MPDZ: variants seen among roughly 807,000 people sequenced by gnomAD.
MPDZ encodes the protein multiple PDZ domain protein.
Under a neutral mutation model 239.1 loss-of-function variants are expected in MPDZ, and 234 were observed. The observed-to-expected ratio is 0.98, with a 90% confidence interval of 0.88 to 1.09. MPDZ has a LOEUF of 1.09. MPDZ is among the 50% of genes least tolerant of loss of function. The probability of loss-of-function intolerance (pLI) is 0.00; values close to 1 mark genes in which losing one functional copy is unlikely to be tolerated. For synonymous variants in MPDZ, 1,048 were observed against 881.3 expected (o/e 1.19, Z -3.35); for missense variants, 3,175 against 2,510.0 (o/e 1.26, Z -5.66).
Position 13,223,601 on chromosome 9 carries a change from T to C in MPDZ, c.503A>G (p.Gln168Arg), listed in dbSNP as rs750707388. The C allele has an allele frequency of 4.7e-5, 75 of 1,612,258 alleles. No individual in the cohort carries two copies. Among genetic ancestry groups the C allele is most frequent in the Non-Finnish European group, 6.4e-5 (75 of 1,178,926 alleles). The change falls in exon 5 of 47, where the codon CAA (glutamine) becomes CGA (arginine). Residue 168 changes from glutamine (Q) to arginine (R), a missense_variant. Physicochemically the swap from Gln to Arg is conservative, Grantham distance 43 (BLOSUM62 1). Transcript: ENST00000319217. ...ENRGELGIFV[Q>R]EIQEGSVAHR... ...GGCCACACTGCCCTCTTGTATCTCT[T>C]GAACAAATATTCCCAGCTCTCCTCT...
Position 13,113,055 on chromosome 9 carries a change from C to A in MPDZ, c.5558-1G>T. The stretch of plus-strand genomic sequence containing the variant: ...CTTAATCCCTGTATTTCAGATGCCA[C>A]TGTAAAGGCAAAAAAGATAAAATAG... On this transcript the variant is annotated splice_acceptor_variant, in intron 41 of 46. Coordinates refer to ENST00000319217, the MANE Select transcript of MPDZ (RefSeq NM_001378778.1). LOFTEE classifies it high-confidence loss of function. 1 of 1,573,676 alleles carries A rather than the reference C, an allele frequency of 6.4e-7. No homozygotes were observed. Among genetic ancestry groups the A allele is most frequent in the Non-Finnish European group, 8.6e-7 (1 of 1,158,024 alleles).
Position 13,140,165 on chromosome 9 carries a change from G to A in MPDZ, c.3841-16C>T. The A allele has an allele frequency of 6.2e-7, 1 of 1,611,932 alleles. No individual in the cohort carries two copies. On this transcript the variant is annotated splice_polypyrimidine_tract_variant and intron_variant, in intron 27 of 46. Transcript: ENST00000319217. The stretch of plus-strand genomic sequence containing the variant: ...GACTGGGTGCCTGTGGGAACAAAAA[G>A]AATGCAGTGGGTTTGTACAGTCTAA...
At chr9:13,180,783 C>T (rs575790646) in intron 19 of MPDZ, among the ~76,000 whole-genome samples, 303 of 152,168 alleles carry the variant, frequency 2.0e-3, no homozygotes, top group Middle Eastern at 3.4e-3. Flanking sequence ...GCCATAGAGG[C>T]GGGTATATTT....
rs149999759 is a variant in MPDZ at position 13,252,846 on chromosome 9, T to C, written c.-57-2474A>G. On this transcript the variant is annotated intron_variant, in intron 1 of 46. Coordinates refer to ENST00000319217, the MANE Select transcript of MPDZ (RefSeq NM_001378778.1). The stretch of plus-strand genomic sequence containing the variant: ...CACCCAGGAGGAAGCATGATAGCAA[T>C]AAAAAAAAGCATGGACTAGAGAGTC... Among the ~76,000 whole-genome samples the C allele has an allele frequency of 1.7e-3, 252 of 151,732 alleles. 1 individual carries two copies. The highest frequency in any genetic ancestry group is 5.8e-3 in the African/African-American group (240 of 41,384).
chr9:13,257,496 T>G (rs1005065812), intron 1 of MPDZ, among the ~76,000 whole-genome samples: 1 of 152,276 alleles, frequency 6.6e-6, no homozygotes, highest in South Asian at 2.1e-4. Context: ...TGAAAATATA[T>G]TGTCAAATTT....
intron 15 of MPDZ, 128 bp from the exon 16 acceptor site, chr9:13,190,427 G>A (rs1954748521): frequency 3.9e-6 from 3 of 768,980 alleles, no homozygotes; most frequent in East Asian, 3.1e-5. Context: ...AGTAGCAACA[G>A]CTTTTCATGA....
chr9:13,119,751 T>G, intron 38 of MPDZ, 102 bp from the exon 39 acceptor site: 1 of 1,407,196 alleles, frequency 7.1e-7, no homozygotes, highest in Non-Finnish European at 9.9e-7. Context: ...TACTTGTTTT[T>G]ATGACTTTAA....
At position 13,147,678 on chromosome 9, in the gene MPDZ, C is replaced by T; in HGVS notation, c.3631-20G>A. The T allele has an allele frequency of 1.3e-6, 2 of 1,574,838 alleles. No homozygotes were observed. Among genetic ancestry groups the T allele is most frequent in the Non-Finnish European group, 1.7e-6 (2 of 1,146,058 alleles). ...ATCCACCTGCAATGGAAGGCCTCAG[C>T]TTAACATTTCAAGAATCTATAGAAC... On this transcript the variant is annotated intron_variant, in intron 25 of 46. Coordinates refer to ENST00000319217, the MANE Select transcript of MPDZ (RefSeq NM_001378778.1).
At chr9:13,246,109 C>T (rs949255831) in intron 3 of MPDZ, among the ~76,000 whole-genome samples, 1 of 152,132 alleles carries the variant, frequency 6.6e-6, no homozygotes, top group Non-Finnish European at 1.5e-5. Context: ...ATTTGGGATA[C>T]TGGTTTCTCC....
intron 10 of MPDZ, among the ~76,000 whole-genome samples, chr9:13,206,733 G>A (rs1038989981): frequency 2.0e-5 from 3 of 151,954 alleles, no homozygotes; most frequent in South Asian, 4.2e-4. Flanking sequence ...TAGTAAAGAC[G>A]GGGTTTGACC....
intron 22 of MPDZ, among the ~76,000 whole-genome samples, chr9:13,166,076 A>G (rs1408821282): frequency 1.3e-5 from 2 of 152,146 alleles, no homozygotes; most frequent in African/African-American, 4.8e-5. Context: ...AAGTTCCTAC[A>G]ATACACCCCT....
At chr9:13,265,601 A>G (rs1971619932) in intron 1 of MPDZ, among the ~76,000 whole-genome samples, 1 of 152,162 alleles carries the variant, frequency 6.6e-6, no homozygotes, top group Non-Finnish European at 1.5e-5. Flanking sequence ...AGCATTTGGT[A>G]CTCAAAAGCA....
chr9:13,240,780 C>T (rs985934862), intron 3 of MPDZ, among the ~76,000 whole-genome samples: 3 of 151,818 alleles, frequency 2.0e-5, no homozygotes, highest in African/African-American at 7.2e-5. Context: ...AAGTCTATAG[C>T]ACATAAGGGC....
chr9:13,197,329 G>A (rs1373670880), intron 12 of MPDZ, among the ~76,000 whole-genome samples: 1 of 151,986 alleles, frequency 6.6e-6, no homozygotes, highest in African/African-American at 2.4e-5. Flanking sequence ...ATTAGATGGG[G>A]GGTCTTGCTC....
chr9:13,170,014 T>C (rs1951584298), intron 21 of MPDZ, among the ~76,000 whole-genome samples: 1 of 152,104 alleles, frequency 6.6e-6, no homozygotes. Context: ...CGTTGAAAAA[T>C]ATAAAATCTT....
chr9:13,187,238 C>T (rs573006324), intron 17 of MPDZ, among the ~76,000 whole-genome samples: 3 of 151,846 alleles, frequency 2.0e-5, no homozygotes, highest in South Asian at 2.1e-4. Flanking sequence ...TGCTGCAAGG[C>T]ATACTGAATT....
intron 25 of MPDZ, 109 bp from the exon 26 acceptor site, chr9:13,147,767 T>A: frequency 1.4e-6 from 1 of 732,510 alleles, no homozygotes; most frequent in South Asian, 1.8e-5. Context: ...AAAATCTGTT[T>A]TAATATCAAA....
Position 13,109,075 on chromosome 9 carries a change from G to C in MPDZ, c.5943-16C>G, listed in dbSNP as rs2131002867. On this transcript the variant is annotated splice_polypyrimidine_tract_variant and intron_variant, in intron 45 of 46. Coordinates refer to ENST00000319217, the MANE Select transcript of MPDZ (RefSeq NM_001378778.1). ...TTGAGGAGGTCTACGGTGAAGGAAA[G>C]GAAAAAGAGGTTTTAAATTAAAAAA... The C allele has an allele frequency of 7.4e-7, 1 of 1,357,812 alleles. No homozygotes were observed. 84.1% of individuals were successfully genotyped at this position (1,357,812 alleles called of 1,614,324 possible).
chr9:13,126,646 A>C, intron 33 of MPDZ, 34 bp downstream of exon 33: 1 of 1,612,022 alleles, frequency 6.2e-7, no homozygotes, highest in Non-Finnish European at 8.5e-7. Context: ...TCCCTCCCCA[A>C]CTACTTAATG....
Sources: gnomAD v4.1 joint callset for allele counts (sites outside exome capture counted in the v4.1 genomes callset) on GRCh38, gnomAD v4.1.1 for gene constraint, MANE v1.5 for transcripts, NCBI Gene and HGNC (gene_info 2026-07-23, HGNC 2026-07-21) for gene names.